The following SYNPR variants were observed in gnomAD, a reference collection of about 807,000 sequenced individuals.
SYNPR encodes synaptoporin.
A neutral mutation model predicts 32.9 loss-of-function variants in SYNPR; 23 were observed. The observed-to-expected ratio is 0.70, with a 90% CI of 0.50 to 0.99. SYNPR has a LOEUF of 0.99. SYNPR is among the 50% of genes least tolerant of loss of function. SYNPR has a pLI of 0.00. For missense variants in SYNPR, 318 were observed against 349.3 expected, an observed-to-expected ratio of 0.91 and a Z score of 0.71; for synonymous variants, 146 against 135.9, an observed-to-expected ratio of 1.07 and a Z score of -0.52.
At chr3:63,206,134 G>A in the SYNPR span, among the ~76,000 whole-genome samples, 1 of 152,190 alleles carries the variant, frequency 6.6e-6, no homozygotes, top group South Asian at 2.1e-4. Context: ...TACAACTGAA[G>A]TTCTCCTCAG....
intron 2 of SYNPR, among the ~76,000 whole-genome samples, chr3:63,455,362 G>A (rs186814742): frequency 1.3e-5 from 2 of 152,070 alleles, no homozygotes; most frequent in African/African-American, 4.8e-5. Flanking sequence ...TCTTATTGAG[G>A]TTAAAATTCA....
chr3:63,582,145 G>A (rs1703104380), intron 4 of SYNPR, among the ~76,000 whole-genome samples: 1 of 151,998 alleles, frequency 6.6e-6, no homozygotes, highest in Non-Finnish European at 1.5e-5. Flanking sequence ...TTTCTATTTG[G>A]CTTCATTTTA....
At chr3:63,402,264 C>T (rs1323547198) in intron 2 of SYNPR, among the ~76,000 whole-genome samples, 1 of 152,042 alleles carries the variant, frequency 6.6e-6, no homozygotes, top group African/African-American at 2.4e-5. Context: ...AGGAGCGCTC[C>T]CTGCAAAGTG....
intron 3 of SYNPR, among the ~76,000 whole-genome samples, chr3:63,530,383 G>C (rs1314103215): frequency 6.6e-6 from 1 of 152,120 alleles, no homozygotes. Context: ...TTGTGTTCAA[G>C]TGGAAGGAGA....
chr3:63,328,845 T>C (rs1237067081), intron 2 of SYNPR, among the ~76,000 whole-genome samples: 1 of 152,184 alleles, frequency 6.6e-6, no homozygotes, highest in Non-Finnish European at 1.5e-5. Context: ...TTCTACCTTT[T>C]ATTGATTATA....
At chr3:63,506,065 A>G (rs556088669) in intron 3 of SYNPR, among the ~76,000 whole-genome samples, 2 of 145,786 alleles carry the variant, frequency 1.4e-5, no homozygotes, top group Non-Finnish European at 3.0e-5. Flanking sequence ...TTGTCACTCA[A>G]ACTTAGATGC....
At chr3:63,540,126 T>C (rs9828005) in intron 3 of SYNPR, among the ~76,000 whole-genome samples, 59,309 of 151,992 alleles carry the variant, frequency 0.39, 11,898 homozygotes, top group African/African-American at 0.49. Flanking sequence ...TAAACACTTA[T>C]TATGTGCCAG....
intron 3 of SYNPR, among the ~76,000 whole-genome samples, chr3:63,268,806 A>G (rs1258551534): frequency 6.6e-6 from 1 of 152,200 alleles, no homozygotes; most frequent in Non-Finnish European, 1.5e-5. Context: ...AGAAAACTTA[A>G]TATCAAACTT....
chr3:63,334,801 C>T (rs1462845108), intron 2 of SYNPR, among the ~76,000 whole-genome samples: 1 of 150,914 alleles, frequency 6.6e-6, no homozygotes, highest in African/African-American at 2.4e-5. Context: ...TAGGTTGATG[C>T]AAAGGTAATT....
rs184285581 is a variant in SYNPR at position 63,540,408 on chromosome 3, G to C, written c.210-16135G>C. Among the ~76,000 whole-genome samples, 426 of 152,190 alleles carry C rather than the reference G, an allele frequency of 2.8e-3. 2 individuals are homozygous for C. The highest frequency in any genetic ancestry group is 9.4e-3 in the African/African-American group (391 of 41,550). ...TAAGCAACACTTTACTACTGAAGGG[G>C]CAAGGTGCAGAAAACAAGGTCCTCA... On this transcript the variant is annotated intron_variant, in intron 3 of 5. Transcript: ENST00000478300.
chr3:63,287,958 A>C (rs564508319), intron 2 of SYNPR, among the ~76,000 whole-genome samples: 1 of 152,306 alleles, frequency 6.6e-6, no homozygotes, highest in East Asian at 1.9e-4. Flanking sequence ...AATGAGCAGC[A>C]AGAATGCCTT....
chr3:63,487,522 G>A (rs1701178971), intron 3 of SYNPR, among the ~76,000 whole-genome samples: 1 of 151,970 alleles, frequency 6.6e-6, no homozygotes, highest in Admixed American at 6.6e-5. Context: ...TATTTATTCT[G>A]GTTAATTAGC....
chr3:63,471,985 T>TG (rs1700809269), intron 2 of SYNPR, among the ~76,000 whole-genome samples: 1 of 152,180 alleles, frequency 6.6e-6, no homozygotes. Flanking sequence ...ATTCCTATCA[T>TG]GCCAGACTAA....
chr3:63,502,273 G>A (rs1282708812), intron 3 of SYNPR, among the ~76,000 whole-genome samples: 2 of 151,974 alleles, frequency 1.3e-5, no homozygotes, highest in Non-Finnish European at 2.9e-5. Context: ...GCAAAATGGA[G>A]AGGAAAGTAC....
intron 2 of SYNPR, among the ~76,000 whole-genome samples, chr3:63,340,279 T>C (rs1422178697): frequency 6.6e-6 from 1 of 152,190 alleles, no homozygotes; most frequent in African/African-American, 2.4e-5. Context: ...AATGCACATA[T>C]ACAGGTTTTG....
At chr3:63,541,147 A>G (rs540828989) in intron 3 of SYNPR, among the ~76,000 whole-genome samples, 97 of 151,498 alleles carry the variant, frequency 6.4e-4, no homozygotes, top group Non-Finnish European at 9.4e-4. Context: ...CATTTTGCCC[A>G]CCGCAGAGAG....
rs994092765 is a variant in SYNPR, at chr3:63,492,216, C to A, written c.209+11260C>A. Among the ~76,000 whole-genome samples the A allele has an allele frequency of 4.6e-5, 7 of 152,132 alleles. No homozygotes were observed. The East Asian group carries it at 1.4e-3, about 29-fold the overall frequency. On this transcript the variant is annotated intron_variant, in intron 3 of 5. Transcript: ENST00000478300. Reference sequence around the variant, plus strand: ...TGGAAGCCAGTTGGACAGGATCAGGCCCCTGACTGAGATCCAGAGCACAGG... The same window carrying A: ...TGGAAGCCAGTTGGACAGGATCAGGACCCTGACTGAGATCCAGAGCACAGG...
At chr3:63,537,615 C>T (rs1295652853) in intron 3 of SYNPR, among the ~76,000 whole-genome samples, 1 of 152,110 alleles carries the variant, frequency 6.6e-6, no homozygotes, top group Non-Finnish European at 1.5e-5. Context: ...TGAATGAATG[C>T]TTAAAGGCAG....
chr3:63,363,351 A>G (rs2087686987), intron 2 of SYNPR, among the ~76,000 whole-genome samples: 1 of 152,170 alleles, frequency 6.6e-6, no homozygotes, highest in Non-Finnish European at 1.5e-5. Context: ...GCATGTTAAA[A>G]CCACCTTTCA....
Sources: allele counts gnomAD v4.1 joint callset (sites outside exome capture counted in the v4.1 genomes callset), GRCh38; gene constraint gnomAD v4.1.1; transcripts MANE v1.5; gene names NCBI Gene and HGNC (gene_info 2026-07-23, HGNC 2026-07-21).